Variants in GALNS observed in about 807,000 individuals in gnomAD.
The protein encoded by GALNS is galactosamine (N-acetyl)-6-sulfatase.
Under a neutral mutation model 65.9 loss-of-function variants are expected in GALNS, and 65 were observed. That is an observed-to-expected ratio of 0.99 (90% confidence interval 0.81 to 1.21). GALNS has a LOEUF of 1.21. GALNS is among the 50% of genes most tolerant of loss of function. The probability of loss-of-function intolerance (pLI) is 0.00; values close to 1 mark genes in which losing one functional copy is unlikely to be tolerated. For synonymous variants in GALNS, 346 were observed against 288.9 expected, an observed-to-expected ratio of 1.20 and a Z score of -2.00; for missense variants, 776 against 700.7, an observed-to-expected ratio of 1.11 and a Z score of -1.21.
chr16:88,836,329 T>A, intron 5 of GALNS, 62 bp from the exon 6 acceptor site: 7 of 1,334,800 alleles, frequency 5.2e-6, no homozygotes, highest in Admixed American at 1.8e-5. Context: ...CCGTTCTCCC[T>A]GATTTCACCA....
At chr16:88,816,827 G>C (rs1909678045) in intron 13 of GALNS, 1 of 985,360 alleles carries the variant, frequency 1.0e-6, no homozygotes, top group Admixed American at 6.1e-5. Flanking sequence ...CAGGAGCCCA[G>C]GCTGAAGTCT....
At position 88,842,807 on chromosome 16, in the gene GALNS, A is replaced by C. The variant is rs191519947; in HGVS notation, c.143T>G (p.Val48Gly). 6.9e-5 allele frequency: 112 copies of C among 1,613,126 alleles called. No homozygotes were observed. Among genetic ancestry groups the C allele is most frequent in the Non-Finnish European group, 9.0e-5 (106 of 1,179,926 alleles). Residue 48 changes from valine (V) to glycine (G), a missense_variant, in exon 2 of 14, where the codon GTG becomes GGG. Physicochemically the swap from Val to Gly is moderately radical, Grantham distance 109. Coordinates refer to ENST00000268695, the MANE Select transcript of GALNS (RefSeq NM_000512.5). ...GGTCTCTCTGGAGGGCTCTCCATAC[A>C]CCCCGAGGTCACCCCATCCCATCTG... ...MDDMGWGDLGVYGEPSRETPN... is the reference protein window; with the variant it reads ...MDDMGWGDLGGYGEPSRETPN...
At chr16:88,854,934 G>C (rs1967714243) in intron 1 of GALNS, among the ~76,000 whole-genome samples, 1 of 152,236 alleles carries the variant, frequency 6.6e-6, no homozygotes, top group Non-Finnish European at 1.5e-5. Context: ...AAGCCACACA[G>C]TGGAGGCCAC....
At chr16:88,816,418 C>T in intron 13 of GALNS, 1 of 985,456 alleles carries the variant, frequency 1.0e-6, no homozygotes, top group Non-Finnish European at 1.2e-6. Flanking sequence ...CAGGGACCTC[C>T]CTGCTCCACC....
intron 1 of GALNS, chr16:88,855,534 T>TA (rs1469380893): frequency 7.1e-6 from 5 of 702,096 alleles, no homozygotes; most frequent in Non-Finnish European, 1.3e-5. Context: ...TGCACACAAA[T>TA]AAGACATATG....
rs114113199 is a variant in GALNS at position 88,826,887 on chromosome 16, T to C, written c.1003-49A>G. ...GTCAGGGCACTCTGCACCGACCCGATGGGGCTGGGGGCCAATCCCTGGGGG... is the reference window on the plus strand; with the variant it reads ...GTCAGGGCACTCTGCACCGACCCGACGGGGCTGGGGGCCAATCCCTGGGGG... On this transcript the variant is annotated intron_variant, in intron 9 of 13. Transcript: ENST00000268695. 8.8e-4 allele frequency: 1,366 copies of C among 1,550,426 alleles called. 14 individuals carry two copies. The African/African-American group carries it at 0.017, about 19-fold the overall frequency.
intron 11 of GALNS, among the ~76,000 whole-genome samples, chr16:88,824,099 C>T (rs1468534488): frequency 6.6e-6 from 1 of 152,124 alleles, no homozygotes; most frequent in Non-Finnish European, 1.5e-5. Context: ...ATTTTCTTCC[C>T]AATTAAGGCA....
Position 88,814,495 on chromosome 16 carries a change from C to T in GALNS, c.1513G>A (p.Gly505Arg), listed in dbSNP as rs761539025. 145 of 1,561,608 alleles carry T rather than the reference C, an allele frequency of 9.3e-5. No individual in the cohort carries two copies. The highest frequency in any genetic ancestry group is 2.4e-4 in the South Asian group (20 of 84,772). Residue 505 changes from glycine to arginine, a missense_variant, in exon 14 of 14, where the codon GGG (glycine) becomes AGG (arginine). Coordinates refer to ENST00000268695, the MANE Select transcript of GALNS (RefSeq NM_000512.5). ...GATTCTGGAGGTGTCAGACACTTCC[C>T]TAACTTTTCACAGCCCGGAGGTGCC... ...NWAPPGCEKL[G>R]KCLTPPESIP...
At position 88,826,970 on chromosome 16, in the gene GALNS, AC is replaced by A. The variant is rs1177771744; in HGVS notation, c.1003-133del. 355 of 1,098,170 alleles carry A rather than the reference AC, an allele frequency of 3.2e-4. 6 individuals are homozygous for A. In the South Asian group the frequency reaches 4.5e-3, roughly 14 times the overall value. 68.0% of individuals were successfully genotyped at this position (1,098,170 alleles called of 1,614,324 possible). On this transcript the variant is annotated intron_variant, in intron 9 of 13. Coordinates refer to ENST00000268695, the MANE Select transcript of GALNS (RefSeq NM_000512.5). ...GATATGCATACATGCTCACACGCCC[AC>A]AGCAGGGACTGAGCGGGGTCACAAG...
intron 4 of GALNS, among the ~76,000 whole-genome samples, chr16:88,839,171 C>A (rs1471194182): frequency 1.4e-5 from 2 of 147,444 alleles, no homozygotes; most frequent in Admixed American, 1.4e-4. Context: ...CGCTGGTCAC[C>A]GCCCGGCCAC....
intron 13 of GALNS, 71 bp downstream of exon 13, chr16:88,817,936 T>G: frequency 2.3e-6 from 3 of 1,281,954 alleles, no homozygotes; most frequent in Admixed American, 2.0e-5. Context: ...CTGGCCACGG[T>G]TCATCCTGGG....
intron 13 of GALNS, chr16:88,816,738 C>T (rs1325797640): frequency 1.8e-5 from 18 of 985,352 alleles, no homozygotes; most frequent in African/African-American, 1.2e-4. Flanking sequence ...CACGGCACGG[C>T]GGGCACCCAG....
chr16:88,854,393 C>A (rs1567547385), intron 1 of GALNS, among the ~76,000 whole-genome samples: 2 of 152,354 alleles, frequency 1.3e-5, no homozygotes, highest in East Asian at 1.9e-4. Flanking sequence ...CGGGGCTCCA[C>A]TGTGAGCTTC....
At position 88,835,955 on chromosome 16, in the gene GALNS, C is replaced by T. The variant is rs1050553311; in HGVS notation, c.634-106G>A. ...CCACGGGGCGAGGTTGGTGCGGTCC[C>T]CGTCCCCACGCGTCCCACGGGGCAA... On this transcript the variant is annotated intron_variant, in intron 6 of 13. Transcript: ENST00000268695. 5.0e-5 allele frequency: 77 copies of T among 1,551,574 alleles called. No homozygotes were observed. The African/African-American group carries it at 9.1e-4, about 18-fold the overall frequency.
intron 1 of GALNS, among the ~76,000 whole-genome samples, chr16:88,854,237 G>A (rs576453745): frequency 1.9e-4 from 29 of 152,368 alleles, no homozygotes; most frequent in African/African-American, 6.5e-4. Flanking sequence ...ACCTGTTGCA[G>A]GTTCAGACGC....
At chr16:88,816,995 G>A (rs1404583818) in intron 13 of GALNS, 11 of 985,328 alleles carry the variant, frequency 1.1e-5, no homozygotes, top group Non-Finnish European at 1.3e-5. Flanking sequence ...GGGCACCCAG[G>A]AGCGACACCG....
At chr16:88,835,158 C>G (rs1299369969) in intron 8 of GALNS, 55 bp downstream of exon 8, 1 of 1,551,626 alleles carries the variant, frequency 6.4e-7, no homozygotes, top group Non-Finnish European at 8.7e-7. Flanking sequence ...TCCAGGCACT[C>G]TTCGCTGACA....
In GALNS at chr16:88,826,728, G is replaced by A. The variant is rs375098009; in HGVS notation, c.1113C>T (p.Thr371=). ...RAIDGLNLLP[T]LLQGRLMDRP... ...TGTCCATCAGCCGGCCCTGCAGGAGGGTGGGGAGGAGGTTGAGGCCATCAA... is the reference window on the plus strand; with the variant it reads ...TGTCCATCAGCCGGCCCTGCAGGAGAGTGGGGAGGAGGTTGAGGCCATCAA... The change falls in exon 10 of 14, where the codon ACC becomes ACT. Residue 371 remains threonine (T), a synonymous_variant. Transcript: ENST00000268695. The A allele has an allele frequency of 1.9e-6, 3 of 1,612,714 alleles. No homozygotes were observed. The highest frequency in any genetic ancestry group is 2.5e-6 in the Non-Finnish European group (3 of 1,179,834).
Position 88,841,085 on chromosome 16 carries a change from G to A in GALNS, c.329C>T (p.Pro110Leu), listed in dbSNP as rs761043390. The change falls in exon 4 of 14, where the codon CCG becomes CTG. Residue 110 changes from proline to leucine, a missense_variant. Pro to Leu is a moderately conservative substitution (Grantham distance 98). Coordinates refer to ENST00000268695, the MANE Select transcript of GALNS (RefSeq NM_000512.5). ...TGGGATGCCGCCCACAATCTCCTGC[G>A]GTGTGTAGGCTGGAAGAGCAGCGCT... Reference protein sequence around the residue: ...TNAHARNAYTPQEIVGGIPDS... With the variant: ...TNAHARNAYTLQEIVGGIPDS... 2.5e-6 allele frequency: 4 copies of A among 1,612,794 alleles called. No homozygotes were observed. The highest frequency in any genetic ancestry group is 3.3e-5 in the Admixed American group (2 of 60,008).
Sources: allele counts gnomAD v4.1 joint callset (sites outside exome capture counted in the v4.1 genomes callset), GRCh38; gene constraint gnomAD v4.1.1; transcripts MANE v1.5; gene names NCBI Gene and HGNC (gene_info 2026-07-23, HGNC 2026-07-21).